Variants in DOCK2 observed in about 807,000 individuals in gnomAD.
The protein encoded by DOCK2 is dedicator of cytokinesis protein 2.
Under a neutral mutation model 248.9 loss-of-function variants are expected in DOCK2, and 87 were observed. The ratio of observed to expected loss-of-function variants is 0.35; its 90% CI spans 0.29 to 0.42. DOCK2 has a LOEUF of 0.42. Ranked by LOEUF, DOCK2 falls within the 10% of genes least tolerant of loss-of-function variation. The probability of loss-of-function intolerance (pLI) is 1.00; values close to 1 mark genes in which losing one functional copy is unlikely to be tolerated. For synonymous variants in DOCK2, 805 were observed against 821.6 expected (o/e 0.98, Z 0.35); for missense variants, 1,747 against 2,300.2 (o/e 0.76, Z 4.92).
chr5:169,913,701 T>A (rs1041110343), intron 27 of DOCK2, among the ~76,000 whole-genome samples: 4 of 144,106 alleles, frequency 2.8e-5, no homozygotes, highest in Admixed American at 6.9e-5. Flanking sequence ...AAGTGCAGTC[T>A]TACCACGCCC....
At chr5:169,847,963 A>T (rs1287407256) in intron 27 of DOCK2, among the ~76,000 whole-genome samples, 3 of 152,214 alleles carry the variant, frequency 2.0e-5, no homozygotes, top group African/African-American at 7.2e-5. Flanking sequence ...CTTCCTTTAA[A>T]AAAGCTGTGG....
At chr5:169,836,969 T>C (rs386705) in intron 26 of DOCK2, among the ~76,000 whole-genome samples, 70,362 of 152,022 alleles carry the variant, frequency 0.46, 17,071 homozygotes, top group African/African-American at 0.62. Flanking sequence ...TCAGTAGTTT[T>C]GCACTGCATT....
chr5:169,673,727 T>C (rs1161201743), intron 5 of DOCK2, among the ~76,000 whole-genome samples: 1 of 152,178 alleles, frequency 6.6e-6, no homozygotes, highest in African/African-American at 2.4e-5. Context: ...ATTAACAATA[T>C]GTGAGAGGTG....
chr5:169,837,212 T>G (rs1258000944), intron 26 of DOCK2, among the ~76,000 whole-genome samples: 3 of 152,188 alleles, frequency 2.0e-5, no homozygotes, highest in Non-Finnish European at 1.5e-5. Context: ...TTGGATGGAT[T>G]AATTTCTTTG....
chr5:169,683,196 T>C (rs903395107), intron 7 of DOCK2, among the ~76,000 whole-genome samples: 3 of 152,206 alleles, frequency 2.0e-5, no homozygotes, highest in Admixed American at 1.3e-4. Context: ...CTTTTTAAGG[T>C]ATTGCCATGC....
chr5:169,695,356 C>T (rs554085837), intron 9 of DOCK2: 14 of 172,942 alleles, frequency 8.1e-5, no homozygotes, highest in Non-Finnish European at 1.3e-4. Context: ...TTTAGATGTG[C>T]AGGAAATGGT....
At chr5:169,930,654 G>A (rs1340615762) in intron 27 of DOCK2, among the ~76,000 whole-genome samples, 1 of 152,194 alleles carries the variant, frequency 6.6e-6, no homozygotes, top group Admixed American at 6.5e-5. Context: ...GGCTGACAGG[G>A]AGCAATTAAG....
At chr5:169,714,270 A>T (rs1462949674) in intron 18 of DOCK2, 59 bp downstream of exon 18, 4 of 1,606,940 alleles carry the variant, frequency 2.5e-6, no homozygotes, top group Non-Finnish European at 3.4e-6. Context: ...GTGTGTGTAC[A>T]TGTGTGTATG....
chr5:169,858,214 G>T (rs1581298612), intron 27 of DOCK2, among the ~76,000 whole-genome samples: 1 of 152,356 alleles, frequency 6.6e-6, no homozygotes, highest in South Asian at 2.1e-4. Context: ...CTTCAGTCTA[G>T]ATAGATACCT....
At position 169,761,621 on chromosome 5, in the gene DOCK2, G is replaced by A. The variant is rs1764493227; in HGVS notation, c.2550G>A (p.Lys850=). ...TAGTCCAGAGCAACCTCTTTAAAAA[G>A]CAAGGTGAGTACACAGCACCCTTGC... The part of the protein sequence containing the change: ...NEIVQSNLFK[K]QECRDILLPV... The change falls in exon 25 of 52, where the codon AAG becomes AAA. Residue 850 remains lysine, a synonymous_variant. Transcript: ENST00000520908. 10 of 1,613,712 alleles carry A rather than the reference G, an allele frequency of 6.2e-6. No individual in the cohort carries two copies. The highest frequency in any genetic ancestry group is 8.5e-6 in the Non-Finnish European group (10 of 1,179,706).
chr5:169,637,452 G>A, intron 1 of DOCK2, 83 bp downstream of exon 1: 1 of 1,278,382 alleles, frequency 7.8e-7, no homozygotes, highest in Non-Finnish European at 9.9e-7. Context: ...GGGGCCGGCG[G>A]CGCGGGGTGG....
intron 22 of DOCK2, among the ~76,000 whole-genome samples, chr5:169,729,877 C>A (rs570287963): frequency 1.2e-4 from 18 of 152,226 alleles, no homozygotes; most frequent in African/African-American, 4.3e-4. Flanking sequence ...CACTTCACCT[C>A]TGGGTCTTAG....
chr5:169,916,486 G>T (rs146024990), intron 27 of DOCK2, among the ~76,000 whole-genome samples: 1 of 152,342 alleles, frequency 6.6e-6, no homozygotes, highest in African/African-American at 2.4e-5. Flanking sequence ...TGAAGGGGAT[G>T]GACGCTAGAA....
At chr5:169,714,883 T>C (rs1033496038) in intron 19 of DOCK2, among the ~76,000 whole-genome samples, 8 of 152,200 alleles carry the variant, frequency 5.3e-5, no homozygotes, top group Non-Finnish European at 8.8e-5. Flanking sequence ...CAATAAATGG[T>C]AATTATTATT....
At chr5:169,760,399 C>T (rs1370358919) in intron 24 of DOCK2, among the ~76,000 whole-genome samples, 1 of 152,148 alleles carries the variant, frequency 6.6e-6, no homozygotes, top group Non-Finnish European at 1.5e-5. Flanking sequence ...GCCCTTCACC[C>T]AGCTTCCCCT....
chr5:169,734,654 A>C (rs1468837738), intron 22 of DOCK2, among the ~76,000 whole-genome samples: 1 of 152,260 alleles, frequency 6.6e-6, no homozygotes, highest in African/African-American at 2.4e-5. Flanking sequence ...CTTGTGGTTA[A>C]GAATTCTCAC....
intron 29 of DOCK2, 141 bp downstream of exon 29, chr5:169,986,063 A>G: frequency 1.3e-6 from 1 of 752,318 alleles, no homozygotes; most frequent in Non-Finnish European, 2.0e-6. Flanking sequence ...CTATCTTTAA[A>G]CCCAGGGAAG....
intron 9 of DOCK2, among the ~76,000 whole-genome samples, chr5:169,691,182 A>G (rs189399805): frequency 2.0e-5 from 3 of 152,216 alleles, no homozygotes; most frequent in Admixed American, 2.0e-4. Context: ...GGTGCTACAC[A>G]CTTTTAAACA....
In DOCK2 at chr5:169,711,917, C is replaced by CT. The variant is rs149389326; in HGVS notation, c.1483-17dup. On this transcript the variant is annotated splice_polypyrimidine_tract_variant and intron_variant, in intron 15 of 51. Coordinates refer to ENST00000520908, the MANE Select transcript of DOCK2 (RefSeq NM_004946.3). ...CCTTTAACTCATTGTGTTCTGAGCT[C>CT]TGTTTCTGTCTGCTGAGGTGGCTGT... 13,047 of 1,613,528 alleles carry CT rather than the reference C, an allele frequency of 8.1e-3. 110 individuals carry two copies. Among genetic ancestry groups the CT allele is most frequent in the Non-Finnish European group, 8.1e-3 (9,590 of 1,179,898 alleles).
Sources: allele counts gnomAD v4.1 joint callset (sites outside exome capture counted in the v4.1 genomes callset), GRCh38; gene constraint gnomAD v4.1.1; transcripts MANE v1.5; gene names NCBI Gene and HGNC (gene_info 2026-07-23, HGNC 2026-07-21).